Variants in ORC2 observed in about 807,000 individuals in gnomAD.
ORC2 encodes the protein origin recognition complex subunit 2, also known as origin recognition complex protein 2 homolog.
In ORC2, 37 loss-of-function variants were observed where a neutral mutation model predicts 77.7. That is an observed-to-expected ratio of 0.48 (90% CI 0.37 to 0.63). The LOEUF (loss-of-function observed/expected upper bound fraction) is 0.63. Among genes scored for constraint, ORC2 ranks in the 20% least tolerant of loss-of-function variants. The pLI is 0.00. For missense variants in ORC2, 557 were observed against 661.9 expected, an observed-to-expected ratio of 0.84 and a Z score of 1.74; for synonymous variants, 201 against 229.5, an observed-to-expected ratio of 0.88 and a Z score of 1.12.
chr2:200,935,754 ACTACT>A lies in ORC2; in HGVS notation c.648_652del (p.Arg216SerfsTer12), dbSNP rs1428713158. On this transcript the variant is annotated frameshift_variant, in exon 9 of 18. Transcript: ENST00000234296. LOFTEE classifies it high-confidence loss of function. ...TGTTTCTTTGCCAACAGGAGCTGAA[ACTACT>A]CTATTCTGAGCTTGAATCTTTTGGC... 6.2e-7 allele frequency: 1 copy of A among 1,613,674 alleles called. No homozygotes were observed. The highest frequency in any genetic ancestry group is 8.5e-7 in the Non-Finnish European group (1 of 1,179,846).
At chr2:200,933,757 G>T in intron 10 of ORC2, 119 bp downstream of exon 10, 1 of 556,932 alleles carries the variant, frequency 1.8e-6, no homozygotes, top group Non-Finnish European at 3.2e-6. Flanking sequence ...ATTAACTTGT[G>T]TTTCATTTGA....
chr2:200,936,538 C>T (rs1012884278), intron 8 of ORC2, among the ~76,000 whole-genome samples: 1 of 152,178 alleles, frequency 6.6e-6, no homozygotes, highest in Non-Finnish European at 1.5e-5. Flanking sequence ...CTTAATGATA[C>T]TGTTAAGTCA....
At chr2:200,959,270 C>T (rs1433011219) in intron 2 of ORC2, 122 bp downstream of exon 2, 3 of 152,200 alleles carry the variant, frequency 2.0e-5, no homozygotes, top group Non-Finnish European at 4.4e-5. Flanking sequence ...AGGCATGGGC[C>T]ACCACCACAG....
chr2:200,953,407 T>A (rs1033826593), intron 4 of ORC2, among the ~76,000 whole-genome samples: 16 of 141,794 alleles, frequency 1.1e-4, no homozygotes, highest in Admixed American at 3.4e-4. Context: ...TTAAAAGGGC[T>A]ACTGTTTTTT....
rs547144601 is a variant in ORC2 at position 200,952,256 on chromosome 2, T to C, written c.239-2613A>G. ...AATGTATAACTATATATTTATATAATTTATTTATTTATTTATTTTTTGAGA... is the reference window on the plus strand; with the variant it reads ...AATGTATAACTATATATTTATATAACTTATTTATTTATTTATTTTTTGAGA... On this transcript the variant is annotated intron_variant, in intron 4 of 17. Transcript: ENST00000234296. Among the ~76,000 whole-genome samples the C allele has an allele frequency of 4.7e-5, 7 of 149,340 alleles. No individual in the cohort carries two copies. The South Asian group carries it at 1.5e-3, about 31-fold the overall frequency.
rs374779161 is a variant in ORC2 at position 200,913,362 on chromosome 2, T to C, written c.1580A>G (p.Asn527Ser). ...CTGGGCCCGGAGTGTCAGATCACTATTGACGAGGAATGCCTCCCGACACTG... is the reference window on the plus strand; with the variant it reads ...CTGGGCCCGGAGTGTCAGATCACTACTGACGAGGAATGCCTCCCGACACTG... ...YQQCREAFLV[N>S]SDLTLRAQLT... The change falls in exon 17 of 18, where the codon AAT becomes AGT. Residue 527 changes from asparagine (N) to serine (S), a missense_variant. By Grantham distance (46) the Asn-to-Ser change is conservative (BLOSUM62 1). Coordinates refer to ENST00000234296, the MANE Select transcript of ORC2 (RefSeq NM_006190.5). The C allele has an allele frequency of 6.9e-6, 11 of 1,601,188 alleles. No individual in the cohort carries two copies. The highest frequency in any genetic ancestry group is 9.4e-6 in the Non-Finnish European group (11 of 1,171,506).
chr2:200,941,310 C>T, intron 6 of ORC2, 31 bp from the exon 7 acceptor site: 1 of 1,593,398 alleles, frequency 6.3e-7, no homozygotes, highest in Non-Finnish European at 8.6e-7. Context: ...CCATGACTTA[C>T]TACGGACACT....
intron 5 of ORC2, among the ~76,000 whole-genome samples, chr2:200,945,152 T>G (rs915923030): frequency 6.6e-6 from 1 of 152,230 alleles, no homozygotes; most frequent in African/African-American, 2.4e-5. Context: ...ATCATCTACA[T>G]GCACACTTTC....
At chr2:200,944,159 G>A (rs747440420) in intron 5 of ORC2, among the ~76,000 whole-genome samples, 2 of 152,142 alleles carry the variant, frequency 1.3e-5, no homozygotes, top group African/African-American at 2.4e-5. Context: ...AAGAATTGAA[G>A]AGGATTAAGA....
rs1441449874 is a variant in ORC2 at position 200,909,764 on chromosome 2, T to A, written c.*1537A>T. The stretch of plus-strand genomic sequence containing the variant: ...AACATAAAATTACTTTTTAAAAAAA[T>A]GATTTAAAAAAAAAAAAAGACAAGG... On this transcript the variant is annotated 3_prime_UTR_variant, in exon 18 of 18. Coordinates refer to ENST00000234296, the MANE Select transcript of ORC2 (RefSeq NM_006190.5). 3.1e-5 allele frequency: 4 copies of A among 129,892 alleles called. No homozygotes were observed. The highest frequency in any genetic ancestry group is 7.5e-5 in the Admixed American group (1 of 13,294). 8.0% of individuals were successfully genotyped at this position (129,892 alleles called of 1,614,324 possible).
Position 200,931,460 on chromosome 2 carries a change from A to G in ORC2, c.808-12T>C. 6.9e-7 allele frequency: 1 copy of G among 1,440,708 alleles called. No homozygotes were observed. Among genetic ancestry groups the G allele is most frequent in the Non-Finnish European group, 9.5e-7 (1 of 1,047,642 alleles). 89.2% of individuals were successfully genotyped at this position (1,440,708 alleles called of 1,614,324 possible). On this transcript the variant is annotated splice_polypyrimidine_tract_variant and intron_variant, in intron 10 of 17. Coordinates refer to ENST00000234296, the MANE Select transcript of ORC2 (RefSeq NM_006190.5). ...TTACGCAAAGTTTGCTTTAAAAAAAAGGAGGAGGGGAAAAAAGTCATTCTC... is the reference window on the plus strand; with the variant it reads ...TTACGCAAAGTTTGCTTTAAAAAAAGGGAGGAGGGGAAAAAAGTCATTCTC...
intron 11 of ORC2, 117 bp from the exon 12 acceptor site, chr2:200,927,017 A>G: frequency 9.2e-7 from 1 of 1,084,142 alleles, no homozygotes; most frequent in Non-Finnish European, 1.3e-6. Flanking sequence ...GGGTAGGCGC[A>G]CTGGCTCAAG....
chr2:200,951,874 A>C (rs1168602609), intron 4 of ORC2, among the ~76,000 whole-genome samples: 1 of 152,194 alleles, frequency 6.6e-6, no homozygotes, highest in Non-Finnish European at 1.5e-5. Flanking sequence ...ATGAATTTTA[A>C]TTAGTTGAAT....
intron 5 of ORC2, among the ~76,000 whole-genome samples, chr2:200,947,330 A>G (rs2041268464): frequency 6.6e-6 from 1 of 152,258 alleles, no homozygotes; most frequent in Non-Finnish European, 1.5e-5. Flanking sequence ...TAGAAAAACT[A>G]AACTGATTTT....
At chr2:200,953,545 A>C (rs2041406474) in intron 4 of ORC2, among the ~76,000 whole-genome samples, 1 of 152,142 alleles carries the variant, frequency 6.6e-6, no homozygotes, top group African/African-American at 2.4e-5. Context: ...TTAAAAAATT[A>C]AAAATAGAAT....
intron 11 of ORC2, 106 bp downstream of exon 11, chr2:200,931,233 A>G: frequency 2.1e-6 from 1 of 481,530 alleles, no homozygotes; most frequent in Non-Finnish European, 3.7e-6. Flanking sequence ...ATATGACTAA[A>G]TATCTGAAAC....
chr2:200,921,624 G>A (rs2040763709), intron 13 of ORC2: 1 of 152,154 alleles, frequency 6.6e-6, no homozygotes, highest in Non-Finnish European at 1.5e-5. Context: ...AGGCCCTACA[G>A]AAAGCAGCTT....
chr2:200,942,640 A>G (rs1231012576), intron 6 of ORC2, 45 bp downstream of exon 6: 1 of 1,025,952 alleles, frequency 9.7e-7, no homozygotes, highest in Non-Finnish European at 1.5e-6. Context: ...TCTATCTTGA[A>G]GCAACTATGA....
chr2:200,944,004 T>C (rs564355245), intron 5 of ORC2, among the ~76,000 whole-genome samples: 2 of 152,040 alleles, frequency 1.3e-5, no homozygotes, highest in Non-Finnish European at 2.9e-5. Context: ...ATTCACAGGA[T>C]AGGGAAAAAA....
Sources: gnomAD v4.1 joint callset for allele counts (sites outside exome capture counted in the v4.1 genomes callset) on GRCh38, gnomAD v4.1.1 for gene constraint, MANE v1.5 for transcripts, NCBI Gene and HGNC (gene_info 2026-07-23, HGNC 2026-07-21) for gene names.